The following PDE6C variants were observed in gnomAD, a reference collection of about 807,000 sequenced individuals.
PDE6C encodes phosphodiesterase 6C, also known as cone cGMP-specific 3',5'-cyclic phosphodiesterase subunit alpha'.
A neutral mutation model predicts 113.1 loss-of-function variants in PDE6C; 75 were observed. The observed-to-expected ratio is 0.66, with a 90% CI of 0.55 to 0.80. PDE6C has a LOEUF of 0.80. Among genes scored for constraint, PDE6C ranks in the 30% least tolerant of loss-of-function variants. PDE6C has a pLI of 0.00. For synonymous variants in PDE6C, 375 were observed against 363.7 expected (o/e 1.03, Z -0.35); for missense variants, 912 against 1,038.6 (o/e 0.88, Z 1.67).
chr10:93,620,658 C>T lies in PDE6C; in HGVS notation c.507C>T (p.Asp169=), dbSNP rs774408368. Reference sequence around the variant, plus strand: ...ACAGCCATTTTTCTGACTTCATGGACAAGCAAACTGGGTATGTCACTAAGA... The same window carrying T: ...ACAGCCATTTTTCTGACTTCATGGATAAGCAAACTGGGTATGTCACTAAGA... ...KKNSHFSDFM[D]KQTGYVTKNL... The change falls in exon 2 of 22, where the codon GAC becomes GAT. Residue 169 remains aspartate (D), a synonymous_variant. Coordinates refer to ENST00000371447, the MANE Select transcript of PDE6C (RefSeq NM_006204.4). 6.2e-7 allele frequency: 1 copy of T among 1,614,134 alleles called. No individual in the cohort carries two copies. The highest frequency in any genetic ancestry group is 2.2e-5 in the East Asian group (1 of 44,880).
chr10:93,648,984 C>G, intron 15 of PDE6C, among the ~76,000 whole-genome samples: 1 of 152,278 alleles, frequency 6.6e-6, no homozygotes, highest in South Asian at 2.1e-4. Flanking sequence ...TGGCAATATT[C>G]TCTTGCGGGC....
chr10:93,658,169 C>CAAAA (rs71031527), intron 16 of PDE6C, among the ~76,000 whole-genome samples: 89 of 59,788 alleles, frequency 1.5e-3, no homozygotes, highest in African/African-American at 3.0e-3. Flanking sequence ...GATTCTGTCT[C>CAAAA]AAAAAAAAAA....
At chr10:93,663,972 C>T (rs1224401895) in intron 21 of PDE6C, among the ~76,000 whole-genome samples, 1 of 152,100 alleles carries the variant, frequency 6.6e-6, no homozygotes, top group Non-Finnish European at 1.5e-5. Context: ...TTTTAGGTGG[C>T]TCTATTGCAT....
At chr10:93,617,798 T>C (rs1245950683) in intron 1 of PDE6C, among the ~76,000 whole-genome samples, 1 of 152,156 alleles carries the variant, frequency 6.6e-6, no homozygotes, top group African/African-American at 2.4e-5. Context: ...AAAGAAGTCC[T>C]GGCTAACTTC....
chr10:93,635,667 CATAAG>C, intron 10 of PDE6C, 27 bp downstream of exon 10: 1 of 1,609,958 alleles, frequency 6.2e-7, no homozygotes, highest in Non-Finnish European at 8.5e-7. Context: ...GTCCTGTGGA[CATAAG>C]ATGTTACCTA....
chr10:93,630,404 A>C (rs1175930659), intron 8 of PDE6C, among the ~76,000 whole-genome samples: 10 of 45,506 alleles, frequency 2.2e-4, no homozygotes, highest in Admixed American at 5.9e-4. Context: ...GTCACCCCCC[A>C]CCTGTCATCT....
chr10:93,618,103 G>A (rs904354276), intron 1 of PDE6C, among the ~76,000 whole-genome samples: 5 of 152,106 alleles, frequency 3.3e-5, no homozygotes, highest in African/African-American at 1.2e-4. Context: ...AGGGTGCTCC[G>A]CGGTATGGGA....
chr10:93,636,622 G>A (rs1278957764), intron 10 of PDE6C, among the ~76,000 whole-genome samples: 18 of 151,868 alleles, frequency 1.2e-4, no homozygotes, highest in Admixed American at 1.2e-3. Flanking sequence ...AAAAAAACCA[G>A]CTACTGTAAT....
At chr10:93,646,097 C>A in intron 15 of PDE6C, 50 bp downstream of exon 15, 1 of 1,036,450 alleles carries the variant, frequency 9.6e-7, no homozygotes, top group Non-Finnish European at 1.5e-6. Context: ...TGGATCAAAG[C>A]ACTAACCCAC....
chr10:93,631,885 C>T (rs1301360148), intron 8 of PDE6C, among the ~76,000 whole-genome samples: 3 of 152,220 alleles, frequency 2.0e-5, no homozygotes, highest in Admixed American at 2.0e-4. Context: ...GCTGCTGTCA[C>T]GAATTGCCAC....
chr10:93,635,669 T>A lies in PDE6C; in HGVS notation c.1413+29T>A, dbSNP rs745427443. ...AGTGGGAAATTCAGTCCTGTGGACATAAGATGTTACCTAACCACATATTCT... is the reference window on the plus strand; with the variant it reads ...AGTGGGAAATTCAGTCCTGTGGACAAAAGATGTTACCTAACCACATATTCT... On this transcript the variant is annotated intron_variant, in intron 10 of 21. Transcript: ENST00000371447. The A allele has an allele frequency of 4.3e-6, 7 of 1,609,532 alleles. No homozygotes were observed. In the South Asian group the frequency reaches 6.6e-5, roughly 15 times the overall value.
At chr10:93,650,149 C>A (rs1227685945) in intron 15 of PDE6C, among the ~76,000 whole-genome samples, 1 of 152,154 alleles carries the variant, frequency 6.6e-6, no homozygotes, top group Non-Finnish European at 1.5e-5. Context: ...ACAATTAGCA[C>A]AATAATAGAA....
Position 93,612,938 on chromosome 10 carries a change from G to A in PDE6C, c.213G>A (p.Glu71=). The A allele has an allele frequency of 6.2e-7, 1 of 1,614,042 alleles. No individual in the cohort carries two copies. Among genetic ancestry groups the A allele is most frequent in the Non-Finnish European group, 8.5e-7 (1 of 1,180,008 alleles). ...LCLELLWTVQ[E]EGGTPEQGVH... ...TGGAGCTGCTGTGGACCGTGCAGGA[G>A]GAGGGGGGCACCCCAGAGCAGGGGG... The change falls in exon 1 of 22, where the codon GAG becomes GAA. Residue 71 remains glutamate, a synonymous_variant. Transcript: ENST00000371447.
intron 14 of PDE6C, 82 bp downstream of exon 14, chr10:93,641,111 T>G: frequency 1.2e-6 from 1 of 843,522 alleles, no homozygotes; most frequent in Non-Finnish European, 2.1e-6. Flanking sequence ...TTCTCCCTAT[T>G]CCTTGGCCCA....
chr10:93,615,962 G>C (rs921516307), intron 1 of PDE6C, among the ~76,000 whole-genome samples: 4 of 152,162 alleles, frequency 2.6e-5, no homozygotes, highest in Non-Finnish European at 5.9e-5. Flanking sequence ...TGTGTCCAGT[G>C]CTGTTTGCCT....
At chr10:93,652,272 C>T (rs186553292) in intron 15 of PDE6C, among the ~76,000 whole-genome samples, 106 of 152,248 alleles carry the variant, frequency 7.0e-4, no homozygotes, top group African/African-American at 2.3e-3. Flanking sequence ...GCAACTAATA[C>T]AAAAACTGGA....
intron 16 of PDE6C, among the ~76,000 whole-genome samples, chr10:93,657,328 A>ATTTTTTTTTTTTTTTTTTTTTTTTTTT: frequency 1.1e-5 from 1 of 88,286 alleles, no homozygotes. Context: ...CGCCTGGCTA[A>ATTTTTTTTTTTTTTTTTTTTTTTTTTT]TTTTTTTTTT....
At chr10:93,665,036 T>C (rs2058683835) in intron 21 of PDE6C, among the ~76,000 whole-genome samples, 1 of 152,012 alleles carries the variant, frequency 6.6e-6, no homozygotes, top group Non-Finnish European at 1.5e-5. Context: ...ACTCAGCTAA[T>C]TTTTATATTT....
chr10:93,625,477 T>C, intron 4 of PDE6C, 98 bp from the exon 5 acceptor site: 2 of 860,230 alleles, frequency 2.3e-6, no homozygotes, highest in East Asian at 2.6e-5. Context: ...CAGAATTACG[T>C]AGATTAACAT....
Sources: allele counts gnomAD v4.1 joint callset (sites outside exome capture counted in the v4.1 genomes callset), GRCh38; gene constraint gnomAD v4.1.1; transcripts MANE v1.5; gene names NCBI Gene and HGNC (gene_info 2026-07-23, HGNC 2026-07-21).